Variants in PAX5 observed in about 807,000 individuals in gnomAD.
The protein encoded by PAX5 is paired box protein Pax-5.
PAX5 carries 9 observed loss-of-function variants against 43.7 expected under a neutral mutation model. The observed-to-expected ratio is 0.21, with a 90% CI of 0.12 to 0.36. The LOEUF (loss-of-function observed/expected upper bound fraction) is 0.36. Among genes scored for constraint, PAX5 ranks in the 10% least tolerant of loss-of-function variants. The probability of loss-of-function intolerance (pLI) is 1.00; values close to 1 mark genes in which losing one functional copy is unlikely to be tolerated. For missense variants in PAX5, 383 were observed against 532.7 expected (o/e 0.72, Z 2.77); for synonymous variants, 228 against 214.3 (o/e 1.06, Z -0.56).
intron 8 of PAX5, among the ~76,000 whole-genome samples, chr9:36,880,888 T>C (rs1307103675): frequency 1.3e-5 from 2 of 152,222 alleles, no homozygotes; most frequent in Non-Finnish European, 2.9e-5. Flanking sequence ...CAGTCTGGCT[T>C]TTTTAGGTGC....
At chr9:36,877,475 AG>A (rs1285760153) in intron 8 of PAX5, among the ~76,000 whole-genome samples, 2 of 152,220 alleles carry the variant, frequency 1.3e-5, no homozygotes, top group Non-Finnish European at 2.9e-5. Context: ...AGAGGCCAGG[AG>A]GGAGTGAAAC....
intron 8 of PAX5, among the ~76,000 whole-genome samples, chr9:36,850,201 G>A (rs562912904): frequency 2.6e-5 from 4 of 152,350 alleles, no homozygotes; most frequent in Non-Finnish European, 2.9e-5. Flanking sequence ...CAGAGCAGGC[G>A]TGGGGCAAGA....
In PAX5 at chr9:36,922,476, C is replaced by T. The variant is rs370370577; in HGVS notation, c.910+879G>A. ...GCAGCTGAGTCTGTCCACATGGAGT[C>T]GGCTCCACGTTACCCCAGCACAGCT... On this transcript the variant is annotated intron_variant, in intron 7 of 9. Coordinates refer to ENST00000358127, the MANE Select transcript of PAX5 (RefSeq NM_016734.3). Among the ~76,000 whole-genome samples, 70 of 152,276 alleles carry T rather than the reference C, an allele frequency of 4.6e-4. 1 individual carries two copies. The highest frequency in any genetic ancestry group is 1.6e-3 in the African/African-American group (68 of 41,558).
chr9:37,004,051 G>A (rs779101882), intron 4 of PAX5, among the ~76,000 whole-genome samples: 2 of 152,242 alleles, frequency 1.3e-5, no homozygotes, highest in Non-Finnish European at 2.9e-5. Flanking sequence ...GGCTCCACAG[G>A]GAAAGTGATT....
intron 1 of PAX5, among the ~76,000 whole-genome samples, chr9:37,032,021 G>T (rs1841031137): frequency 6.6e-6 from 1 of 152,138 alleles, no homozygotes; most frequent in South Asian, 2.1e-4. Flanking sequence ...CCAGGCTGGA[G>T]TGGACAGATG....
chr9:37,029,842 A>T (rs1840795959), intron 1 of PAX5, among the ~76,000 whole-genome samples: 1 of 152,164 alleles, frequency 6.6e-6, no homozygotes, highest in Admixed American at 6.5e-5. Flanking sequence ...CGGGTGCAGA[A>T]CCCGAGGCCC....
chr9:36,988,094 C>T (rs1483680553), intron 5 of PAX5, among the ~76,000 whole-genome samples: 2 of 152,026 alleles, frequency 1.3e-5, no homozygotes, highest in Non-Finnish European at 2.9e-5. Context: ...GAAGGGTTGT[C>T]CAGACTCAGT....
intron 7 of PAX5, among the ~76,000 whole-genome samples, chr9:36,894,471 G>T (rs1273246317): frequency 1.3e-5 from 2 of 152,166 alleles, no homozygotes; most frequent in African/African-American, 2.4e-5. Flanking sequence ...CTTTGTAAAG[G>T]GGGCCATGTG....
chr9:36,836,578 G>T lies in PAX5; in HGVS notation c.*3982C>A, dbSNP rs758974329. The stretch of plus-strand genomic sequence containing the variant: ...GGCAGGCACACTTCTGGGCATCTCG[G>T]GCACTGCTGCACCGTACTGTCTGGT... On this transcript the variant is annotated 3_prime_UTR_variant, in exon 10 of 10. Coordinates refer to ENST00000358127, the MANE Select transcript of PAX5 (RefSeq NM_016734.3). The T allele has an allele frequency of 6.0e-5, 14 of 232,952 alleles. No homozygotes were observed. The highest frequency in any genetic ancestry group is 1.1e-4 in the Non-Finnish European group (13 of 117,942). 14.4% of individuals were successfully genotyped at this position (232,952 alleles called of 1,614,324 possible).
intron 6 of PAX5, among the ~76,000 whole-genome samples, chr9:36,944,836 G>T (rs1832358358): frequency 6.6e-6 from 1 of 152,192 alleles, no homozygotes; most frequent in Admixed American, 6.5e-5. Flanking sequence ...TAAATGAAAG[G>T]GACATAAATT....
intron 8 of PAX5, among the ~76,000 whole-genome samples, chr9:36,859,590 C>G (rs1824000157): frequency 6.6e-6 from 1 of 152,326 alleles, no homozygotes; most frequent in South Asian, 2.1e-4. Context: ...CCCCTCCTCC[C>G]TCCCCGGCTC....
intron 7 of PAX5, among the ~76,000 whole-genome samples, chr9:36,921,285 A>G (rs1830151646): frequency 6.6e-6 from 1 of 152,214 alleles, no homozygotes; most frequent in Non-Finnish European, 1.5e-5. Context: ...TGATCCCAGT[A>G]ACAAACCCTC....
rs1173790714 is a variant in PAX5, at chr9:37,015,939, A to T, written c.213-745T>A. 1.3e-5 allele frequency among the ~76,000 whole-genome samples: 2 copies of T among 152,226 alleles called. No homozygotes were observed. Among genetic ancestry groups the T allele is most frequent in the Non-Finnish European group, 2.9e-5 (2 of 68,034 alleles). Reference sequence around the variant, plus strand: ...CTAAGCATTAACAAAATTCTTTCACATTCATCTACCATTTTATAGTTTACA... The same window carrying T: ...CTAAGCATTAACAAAATTCTTTCACTTTCATCTACCATTTTATAGTTTACA... On this transcript the variant is annotated intron_variant, in intron 2 of 9. Transcript: ENST00000358127. The surrounding 1 kb of genome is among the most constrained non-coding windows in gnomAD (Gnocchi z 4.4).
At chr9:36,849,033 G>A (rs1477425494) in intron 8 of PAX5, among the ~76,000 whole-genome samples, 1 of 152,186 alleles carries the variant, frequency 6.6e-6, no homozygotes, top group Non-Finnish European at 1.5e-5. Flanking sequence ...CCTCTGGGAA[G>A]CCCCTCTCCC....
chr9:37,019,696 C>T (rs921081932), intron 2 of PAX5, among the ~76,000 whole-genome samples: 8 of 152,096 alleles, frequency 5.3e-5, no homozygotes, highest in African/African-American at 4.8e-5. Flanking sequence ...TTTTCTGACC[C>T]GGGAAAAGAA....
intron 2 of PAX5, among the ~76,000 whole-genome samples, chr9:37,016,984 T>A (rs1028930474): frequency 3.3e-5 from 5 of 152,174 alleles, no homozygotes; most frequent in African/African-American, 1.2e-4. Context: ...ACTCAACCTA[T>A]CTTCCCTCTT....
At chr9:36,870,762 C>T (rs758865356) in intron 8 of PAX5, among the ~76,000 whole-genome samples, 3 of 152,220 alleles carry the variant, frequency 2.0e-5, no homozygotes, top group Non-Finnish European at 4.4e-5. Flanking sequence ...GGACACCAAC[C>T]TCATCTTCCA....
intron 1 of PAX5, among the ~76,000 whole-genome samples, chr9:37,032,031 G>A (rs985741226): frequency 1.3e-5 from 2 of 152,102 alleles, no homozygotes; most frequent in Admixed American, 1.3e-4. Context: ...GTGGACAGAT[G>A]GAAGTGCAGT....
chr9:36,896,149 T>C (rs1411498714), intron 7 of PAX5, among the ~76,000 whole-genome samples: 2 of 152,076 alleles, frequency 1.3e-5, no homozygotes, highest in African/African-American at 4.8e-5. Context: ...CAGGACCGGC[T>C]GACAGCTCAT....
Sources: allele counts gnomAD v4.1 joint callset (sites outside exome capture counted in the v4.1 genomes callset), GRCh38; gene constraint gnomAD v4.1.1; non-coding constraint Gnocchi (gnomAD v3.1); transcripts MANE v1.5; gene names NCBI Gene and HGNC (gene_info 2026-07-23, HGNC 2026-07-21).